CHST6: variants seen among roughly 807,000 people sequenced by gnomAD.
CHST6 encodes carbohydrate sulfotransferase 6.
For synonymous variants in CHST6, 309 were observed against 276.4 expected (o/e 1.12, Z -1.17); for missense variants, 698 against 586.2 (o/e 1.19, Z -1.97).
intron 2 of CHST6, among the ~76,000 whole-genome samples, chr16:75,481,101 A>G (rs571729733): frequency 6.6e-6 from 1 of 151,596 alleles, no homozygotes; most frequent in South Asian, 2.1e-4. Flanking sequence ...TGTCTCTACA[A>G]AAACATTAAA....
rs2080036295 is a variant in CHST6 at position 75,473,450 on chromosome 16, G to C, written c.*5191C>G. On this transcript the variant is annotated 3_prime_UTR_variant, in exon 3 of 3. Transcript: ENST00000332272. ...GCAGAGGCGGAGGTCCGAAGCAAAG[G>C]AGCAGCACGCAGGTTCTCTTCAGGT... 6.6e-6 allele frequency: 1 copy of C among 152,318 alleles called. No individual in the cohort carries two copies. The highest frequency in any genetic ancestry group is 2.4e-5 in the African/African-American group (1 of 41,456). The allele number at this position is 152,318 out of a possible 1,614,324, so 9.4% of individuals were successfully genotyped here. A position where few individuals can be genotyped will look rare whatever the true frequency, so the allele number is the denominator to read the frequency against.
chr16:75,482,567 A>G (rs2080153614), intron 1 of CHST6, among the ~76,000 whole-genome samples: 1 of 152,098 alleles, frequency 6.6e-6, no homozygotes, highest in Non-Finnish European at 1.5e-5. Context: ...AAAATGTCAC[A>G]CATGTCTCAC....
In CHST6 at chr16:75,478,688, T is replaced by G. The variant is rs1251936682; in HGVS notation, c.1141A>C (p.Asn381His). ...ALDLVLPRGLNGFTWASSTAS... is the reference protein window; with the variant it reads ...ALDLVLPRGLHGFTWASSTAS... ...GTGGATGATGCCCAAGTGAAGCCGT[T>G]CAGGCCTCGTGGCAGCACCAGATCA... is the stretch of plus-strand genomic sequence containing the variant. The change falls in exon 3 of 3, where the codon AAC (asparagine) becomes CAC (histidine). Residue 381 changes from asparagine to histidine, a missense_variant. Physicochemically the swap from Asn to His is moderately conservative, Grantham distance 68. Transcript: ENST00000332272. 6.2e-7 allele frequency: 1 copy of G among 1,613,670 alleles called. No individual in the cohort carries two copies. The highest frequency in any genetic ancestry group is 1.1e-5 in the South Asian group (1 of 91,082).
At position 75,474,297 on chromosome 16, in the gene CHST6, A is replaced by G. The variant is rs2080044144; in HGVS notation, c.*4344T>C. ...CAGATGGGGTCATTTATTTAGAGAT[A>G]GGTGTCTTGCTCTGTCACTCAGGCT... On this transcript the variant is annotated 3_prime_UTR_variant, in exon 3 of 3. Coordinates refer to ENST00000332272, the MANE Select transcript of CHST6 (RefSeq NM_021615.5). 2 of 314,306 alleles carry G rather than the reference A, an allele frequency of 6.4e-6. No individual in the cohort carries two copies. The highest frequency in any genetic ancestry group is 1.2e-5 in the Non-Finnish European group (2 of 173,348). 19.5% of individuals were successfully genotyped at this position (314,306 alleles called of 1,614,324 possible). A position where few individuals can be genotyped will look rare whatever the true frequency, so the allele number is the denominator to read the frequency against.
At chr16:75,494,063 T>C (rs988426630) in intron 1 of CHST6, among the ~76,000 whole-genome samples, 2 of 152,200 alleles carry the variant, frequency 1.3e-5, no homozygotes, top group African/African-American at 4.8e-5. Context: ...CAGGCTGGTC[T>C]TGAACTCCTG....
chr16:75,489,335 G>A (rs767683143), intron 1 of CHST6, among the ~76,000 whole-genome samples: 7 of 148,482 alleles, frequency 4.7e-5, no homozygotes, highest in Non-Finnish European at 1.0e-4. Context: ...GGAGGCGGAG[G>A]TTGCAGTGAG....
rs916401556 is a variant in CHST6 at position 75,479,100 on chromosome 16, G to A, written c.729C>T (p.Arg243=). The A allele has an allele frequency of 5.6e-6, 9 of 1,604,668 alleles. No homozygotes were observed. The Admixed American group carries it at 1.2e-4, about 21-fold the overall frequency. Residue 243 remains arginine (R), a synonymous_variant, in exon 3 of 3, where the codon CGC becomes CGT. Coordinates refer to ENST00000332272, the MANE Select transcript of CHST6 (RefSeq NM_021615.5). ...VEADPGLRVV[R]EVCRSHVRIA... ...TGCGTACGTGGCTACGGCACACCTC[G>A]CGCACCACGCGCAGGCCGGGGTCGG...
Position 75,477,141 on chromosome 16 carries a change from A to C in CHST6, c.*1500T>G, listed in dbSNP as rs911197052. The C allele has an allele frequency of 6.6e-6, 1 of 152,208 alleles. No individual in the cohort carries two copies. Among genetic ancestry groups the C allele is most frequent in the Non-Finnish European group, 1.5e-5 (1 of 68,040 alleles). 9.4% of individuals were successfully genotyped at this position (152,208 alleles called of 1,614,324 possible). A position where few individuals can be genotyped will look rare whatever the true frequency, so the allele number is the denominator to read the frequency against. ...TACACATTCATAAATCTGGGGTTTT[A>C]AATACCTTCCTCCTATAATTGTCAC... On this transcript the variant is annotated 3_prime_UTR_variant, in exon 3 of 3. Transcript: ENST00000332272.
Position 75,479,082 on chromosome 16 carries a change from G to A in CHST6, c.747C>T (p.His249=), listed in dbSNP as rs545496065. 3.7e-6 allele frequency: 6 copies of A among 1,605,696 alleles called. No individual in the cohort carries two copies. Among genetic ancestry groups the A allele is most frequent in the South Asian group, 3.3e-5 (3 of 91,002 alleles). The change falls in exon 3 of 3, where the codon CAC becomes CAT. Residue 249 remains histidine (H), a synonymous_variant. Coordinates refer to ENST00000332272, the MANE Select transcript of CHST6 (RefSeq NM_021615.5). The part of the protein sequence containing the change: ...LRVVREVCRS[H]VRIAEAATLK... ...GTGTGGCGGCCTCGGCGATGCGTACGTGGCTACGGCACACCTCGCGCACCA... is the reference window on the plus strand; with the variant it reads ...GTGTGGCGGCCTCGGCGATGCGTACATGGCTACGGCACACCTCGCGCACCA...
intron 1 of CHST6, among the ~76,000 whole-genome samples, chr16:75,489,261 T>C (rs1441479424): frequency 6.6e-6 from 1 of 150,910 alleles, no homozygotes; most frequent in Non-Finnish European, 1.5e-5. Context: ...TAGCTAGGCG[T>C]GGTGGTGCAT....
In CHST6 at chr16:75,476,911, A is replaced by G. The variant is rs2080072321; in HGVS notation, c.*1730T>C. The G allele has an allele frequency of 6.6e-6, 1 of 151,870 alleles. No individual in the cohort carries two copies. Among genetic ancestry groups the G allele is most frequent in the African/African-American group, 2.4e-5 (1 of 41,318 alleles). 9.4% of individuals were successfully genotyped at this position (151,870 alleles called of 1,614,324 possible). On this transcript the variant is annotated 3_prime_UTR_variant, in exon 3 of 3. Transcript: ENST00000332272. ...AGGTATGTGCGACCATGCCTCGCTA[A>G]TTTTGTATTTTTAGTAGAGGAGGGG...
intron 1 of CHST6, among the ~76,000 whole-genome samples, chr16:75,491,880 G>A (rs1047700626): frequency 2.0e-5 from 3 of 152,082 alleles, no homozygotes; most frequent in Non-Finnish European, 4.4e-5. Flanking sequence ...AAGTCCAGGG[G>A]CATGAATTAC....
rs1337573031 is a variant in CHST6, at chr16:75,481,862, CA to C, written c.-63del. On this transcript the variant is annotated 5_prime_UTR_variant, in exon 2 of 3. The change abolishes an upstream ATG in the 5' untranslated region. Transcript: ENST00000332272. ...AGAGCTGCAACGCTGATCACAAATCCATGGGAGATGATTAGAGGTTCCTCAG... is the reference window on the plus strand; with the variant it reads ...AGAGCTGCAACGCTGATCACAAATCCTGGGAGATGATTAGAGGTTCCTCAG... The C allele has an allele frequency of 1.9e-5, 11 of 582,604 alleles. No homozygotes were observed. The highest frequency in any genetic ancestry group is 9.0e-6 in the Non-Finnish European group (3 of 331,646). 36.1% of individuals were successfully genotyped at this position (582,604 alleles called of 1,614,324 possible). A position where few individuals can be genotyped will look rare whatever the true frequency, so the allele number is the denominator to read the frequency against.
At chr16:75,486,392 C>T (rs749876420) in intron 1 of CHST6, among the ~76,000 whole-genome samples, 8 of 152,168 alleles carry the variant, frequency 5.3e-5, no homozygotes, top group Non-Finnish European at 1.2e-4. Context: ...TAGGCTTTTC[C>T]CTGGGGAATC....
chr16:75,486,581 GA>G (rs2080201061), intron 1 of CHST6, among the ~76,000 whole-genome samples: 1 of 152,216 alleles, frequency 6.6e-6, no homozygotes, highest in Admixed American at 6.5e-5. Context: ...TGCAATTCTG[GA>G]GTTTTGTTGA....
intron 2 of CHST6, among the ~76,000 whole-genome samples, chr16:75,480,070 C>G (rs1278043549): frequency 3.9e-5 from 6 of 152,090 alleles, no homozygotes; most frequent in Admixed American, 3.9e-4. Context: ...GGAAATCTGT[C>G]TACATGTGAG....
chr16:75,477,715 G>T lies in CHST6; in HGVS notation c.*926C>A, dbSNP rs2080081357. The T allele has an allele frequency of 6.6e-6, 1 of 152,508 alleles. No individual in the cohort carries two copies. Among genetic ancestry groups the T allele is most frequent in the Non-Finnish European group, 1.5e-5 (1 of 68,276 alleles). The allele number at this position is 152,508 out of a possible 1,614,324, so 9.4% of individuals were successfully genotyped here. A position where few individuals can be genotyped will look rare whatever the true frequency, so the allele number is the denominator to read the frequency against. On this transcript the variant is annotated 3_prime_UTR_variant, in exon 3 of 3. Transcript: ENST00000332272. The stretch of plus-strand genomic sequence containing the variant: ...GGCTCACAGGCAGGGATCATCCTCT[G>T]CTTTCCTCCAAGGCCTGGACCAGAA...
Position 75,474,781 on chromosome 16 carries a change from C to A in CHST6, c.*3860G>T. The A allele has an allele frequency of 2.5e-6, 1 of 397,914 alleles. No individual in the cohort carries two copies. Among genetic ancestry groups the A allele is most frequent in the South Asian group, 1.3e-4 (1 of 7,788 alleles). The allele number at this position is 397,914 out of a possible 1,614,324, so 24.6% of individuals were successfully genotyped here. A position where few individuals can be genotyped will look rare whatever the true frequency, so the allele number is the denominator to read the frequency against. ...TAAAAGGCACCACTCTCAGGATAAC[C>A]AACTCACTCCTGAAATAATGGTGGT... On this transcript the variant is annotated 3_prime_UTR_variant, in exon 3 of 3. Transcript: ENST00000332272.
chr16:75,474,369 G>A lies in CHST6; in HGVS notation c.*4272C>T, dbSNP rs926226352. ...GGTTCAATGTAGCCTCAACCTCCCA[G>A]GGTCAAGCAGTCCTCCCAACTCAGC... is the stretch of plus-strand genomic sequence containing the variant. On this transcript the variant is annotated 3_prime_UTR_variant, in exon 3 of 3. Transcript: ENST00000332272. 1 of 370,846 alleles carries A rather than the reference G, an allele frequency of 2.7e-6. No individual in the cohort carries two copies. The highest frequency in any genetic ancestry group is 4.8e-6 in the Non-Finnish European group (1 of 209,148). The allele number at this position is 370,846 out of a possible 1,614,324, so 23.0% of individuals were successfully genotyped here.
Sources: allele counts gnomAD v4.1 joint callset (sites outside exome capture counted in the v4.1 genomes callset), GRCh38; gene constraint gnomAD v4.1.1; transcripts MANE v1.5; gene names NCBI Gene and HGNC (gene_info 2026-07-23, HGNC 2026-07-21).